CPA6: variants seen among roughly 807,000 people sequenced by gnomAD.
The protein encoded by CPA6 is carboxypeptidase B.
In CPA6, 58 loss-of-function variants were observed where a neutral mutation model predicts 63.3. The ratio of observed to expected loss-of-function variants is 0.92; its 90% CI spans 0.74 to 1.14. CPA6 has a LOEUF of 1.14. Among genes scored for constraint, CPA6 ranks in the 50% most tolerant of loss-of-function variants. The pLI is 0.00. For synonymous variants in CPA6, 185 were observed against 179.0 expected, an observed-to-expected ratio of 1.03 and a Z score of -0.27; for missense variants, 565 against 526.6, an observed-to-expected ratio of 1.07 and a Z score of -0.71.
At chr8:67,713,099 G>GTATATA (rs67842734) in intron 1 of CPA6, among the ~76,000 whole-genome samples, 801 of 54,908 alleles carry the variant, frequency 0.015, 18 homozygotes, top group Non-Finnish European at 0.017. Context: ...GTGTGTGTGT[G>GTATATA]TATATATATA....
At chr8:67,691,091 T>C (rs1477425636) in intron 1 of CPA6, among the ~76,000 whole-genome samples, 2 of 152,216 alleles carry the variant, frequency 1.3e-5, no homozygotes, top group East Asian at 1.9e-4. Flanking sequence ...CTTTTTCCCA[T>C]TCACTTAGTA....
intron 1 of CPA6, among the ~76,000 whole-genome samples, chr8:67,744,014 C>T (rs1032659607): frequency 1.3e-5 from 2 of 152,208 alleles, no homozygotes; most frequent in African/African-American, 2.4e-5. Context: ...CATGTCTTCC[C>T]ATCAGATTCT....
At chr8:67,484,535 G>T in intron 7 of CPA6, 144 bp downstream of exon 7, 1 of 518,722 alleles carries the variant, frequency 1.9e-6, no homozygotes, top group South Asian at 3.3e-5. Flanking sequence ...GCTCTGATTG[G>T]GGAAAGAGTG....
At chr8:67,491,172 T>C (rs1044543235) in intron 6 of CPA6, among the ~76,000 whole-genome samples, 9 of 150,202 alleles carry the variant, frequency 6.0e-5, no homozygotes, top group African/African-American at 2.2e-4. Flanking sequence ...GGAGGTATTT[T>C]AAATTCAATA....
intron 8 of CPA6, among the ~76,000 whole-genome samples, chr8:67,448,788 TA>T (rs1250981293): frequency 6.6e-6 from 1 of 152,080 alleles, no homozygotes; most frequent in Admixed American, 6.5e-5. Flanking sequence ...TTTATCACTT[TA>T]TTTTTTTCCA....
intron 2 of CPA6, among the ~76,000 whole-genome samples, chr8:67,556,110 C>T (rs1813054399): frequency 6.6e-6 from 1 of 152,120 alleles, no homozygotes; most frequent in African/African-American, 2.4e-5. Flanking sequence ...AAGAAACAAA[C>T]CTTGTTGTCA....
chr8:67,573,440 T>G lies in CPA6; in HGVS notation c.192+50736A>C, dbSNP rs555572761. 2.6e-4 allele frequency among the ~76,000 whole-genome samples: 40 copies of G among 152,160 alleles called. No individual in the cohort carries two copies. In the South Asian group the frequency reaches 8.1e-3, roughly 31 times the overall value. ...TCAGTAAAGTTGCAGAATATAAAAT[T>G]AACACACAAAAATCAGTGGCATTTC... On this transcript the variant is annotated intron_variant, in intron 2 of 10. Transcript: ENST00000297770.
At chr8:67,471,646 A>G (rs778836988) in intron 8 of CPA6, among the ~76,000 whole-genome samples, 5 of 152,178 alleles carry the variant, frequency 3.3e-5, no homozygotes, top group Non-Finnish European at 7.4e-5. Flanking sequence ...GTCTCTTGTC[A>G]TTATTCAGCA....
At chr8:67,492,823 T>C (rs1452500077) in intron 6 of CPA6, among the ~76,000 whole-genome samples, 1 of 152,110 alleles carries the variant, frequency 6.6e-6, no homozygotes, top group South Asian at 2.1e-4. Context: ...TTAGTCAAAC[T>C]GAAACTAAAC....
chr8:67,557,000 A>T (rs1220062385), intron 2 of CPA6, among the ~76,000 whole-genome samples: 1 of 152,164 alleles, frequency 6.6e-6, no homozygotes, highest in East Asian at 1.9e-4. Flanking sequence ...GTTGGGGGAG[A>T]CGATAATAAA....
intron 1 of CPA6, among the ~76,000 whole-genome samples, chr8:67,673,879 G>A (rs1710084103): frequency 6.6e-6 from 1 of 152,094 alleles, no homozygotes; most frequent in African/African-American, 2.4e-5. Context: ...CCTTCAAGAA[G>A]CCTTTAATAC....
At chr8:67,686,406 T>G (rs1816709676) in intron 1 of CPA6, among the ~76,000 whole-genome samples, 3 of 152,170 alleles carry the variant, frequency 2.0e-5, no homozygotes, top group Admixed American at 2.0e-4. Context: ...AAAACCTGGT[T>G]CCGCATAAAC....
chr8:67,642,069 C>A (rs1181897574), intron 1 of CPA6, among the ~76,000 whole-genome samples: 1 of 152,196 alleles, frequency 6.6e-6, no homozygotes, highest in Non-Finnish European at 1.5e-5. Context: ...CACCTGTAAT[C>A]CCAGCACTTT....
At chr8:67,584,262 G>A (rs1017078798) in intron 2 of CPA6, among the ~76,000 whole-genome samples, 1 of 152,196 alleles carries the variant, frequency 6.6e-6, no homozygotes, top group African/African-American at 2.4e-5. Flanking sequence ...TGTAAGGAAA[G>A]GTATACTTGT....
intron 10 of CPA6, among the ~76,000 whole-genome samples, chr8:67,425,446 C>G (rs1326415666): frequency 6.6e-6 from 1 of 152,154 alleles, no homozygotes; most frequent in Non-Finnish European, 1.5e-5. Flanking sequence ...GCAATCTTGA[C>G]TCACTGCAAC....
Position 67,469,127 on chromosome 8 carries a change from G to A in CPA6, c.838+14641C>T, listed in dbSNP as rs548223435. Among the ~76,000 whole-genome samples the A allele has an allele frequency of 5.3e-5, 8 of 152,192 alleles. No individual in the cohort carries two copies. The South Asian group carries it at 1.5e-3, about 28-fold the overall frequency. On this transcript the variant is annotated intron_variant, in intron 8 of 10. Transcript: ENST00000297770. Reference sequence around the variant, plus strand: ...CTATTTCTATTATAGTTTCTGTGATGGTTAATTTTATGTGTCAATTTGGCT... The same window carrying A: ...CTATTTCTATTATAGTTTCTGTGATAGTTAATTTTATGTGTCAATTTGGCT...
At chr8:67,524,978 G>A (rs1323105494) in intron 2 of CPA6, among the ~76,000 whole-genome samples, 3 of 152,134 alleles carry the variant, frequency 2.0e-5, no homozygotes, top group Non-Finnish European at 2.9e-5. Flanking sequence ...GTACTATATT[G>A]TTTTCTGATG....
intron 1 of CPA6, among the ~76,000 whole-genome samples, chr8:67,691,380 C>G (rs890194970): frequency 2.6e-5 from 4 of 152,222 alleles, no homozygotes; most frequent in African/African-American, 4.8e-5. Context: ...AGTCTTGTCA[C>G]TGGCACGTGG....
chr8:67,546,010 A>G (rs1812811268), intron 2 of CPA6, among the ~76,000 whole-genome samples: 1 of 151,962 alleles, frequency 6.6e-6, no homozygotes, highest in Non-Finnish European at 1.5e-5. Context: ...ACACAGACAG[A>G]CTCATCCCCC....
Sources: allele counts gnomAD v4.1 joint callset (sites outside exome capture counted in the v4.1 genomes callset), GRCh38; gene constraint gnomAD v4.1.1; transcripts MANE v1.5; gene names NCBI Gene and HGNC (gene_info 2026-07-23, HGNC 2026-07-21).